The following VWA8 variants were observed in gnomAD, a reference collection of about 807,000 sequenced individuals.
The protein encoded by VWA8 is von Willebrand factor A domain containing 8, also known as von Willebrand factor A domain-containing protein 8.
VWA8 carries 221 observed loss-of-function variants against 241.5 expected under a neutral mutation model. The observed-to-expected ratio is 0.91, with a 90% CI of 0.82 to 1.02. VWA8 has a LOEUF of 1.02. Among genes scored for constraint, VWA8 ranks in the 50% least tolerant of loss-of-function variants. The pLI, the probability that VWA8 is intolerant of heterozygous loss-of-function variation, is 0.00. For synonymous variants in VWA8, 852 were observed against 827.1 expected, an observed-to-expected ratio of 1.03 and a Z score of -0.52; for missense variants, 2,322 against 2,328.7, an observed-to-expected ratio of 1.00 and a Z score of 0.06.
intron 17 of VWA8, among the ~76,000 whole-genome samples, chr13:41,800,158 C>T (rs1869883549): frequency 6.6e-6 from 1 of 152,174 alleles, no homozygotes; most frequent in African/African-American, 2.4e-5. Flanking sequence ...ATGGATAAAA[C>T]ACACTTTATC....
intron 37 of VWA8, among the ~76,000 whole-genome samples, chr13:41,646,350 AATG>A (rs1211971308): frequency 6.6e-6 from 1 of 152,202 alleles, no homozygotes; most frequent in Non-Finnish European, 1.5e-5. Flanking sequence ...TTCAGTGAGT[AATG>A]ATGATGAGTG....
intron 39 of VWA8, 31 bp from the exon 40 acceptor site, chr13:41,605,307 G>T: frequency 6.2e-7 from 1 of 1,603,764 alleles, no homozygotes. Context: ...AAAGTTAACA[G>T]CTTAAATCAC....
intron 33 of VWA8, among the ~76,000 whole-genome samples, chr13:41,689,884 G>GA (rs1444063156): frequency 6.6e-6 from 1 of 151,854 alleles, no homozygotes; most frequent in African/African-American, 2.4e-5. Context: ...ATAGTCTGCA[G>GA]AAAAAAGATG....
chr13:41,795,878 C>T (rs141153964), intron 17 of VWA8, among the ~76,000 whole-genome samples: 2,143 of 152,098 alleles, frequency 0.014, 45 homozygotes, highest in African/African-American at 0.049. Context: ...TTGATCTGTG[C>T]AGCAAACCAC....
chr13:41,883,370 G>A lies in VWA8; in HGVS notation c.1080+17C>T. Reference sequence around the variant, plus strand: ...AAAATGGGAAAAGAAAGGAAAGAAAGGGAAGCAGACACTCACCTTTAAAAC... The same window carrying A: ...AAAATGGGAAAAGAAAGGAAAGAAAAGGAAGCAGACACTCACCTTTAAAAC... On this transcript the variant is annotated intron_variant, in intron 9 of 44. Transcript: ENST00000379310. 1 of 1,582,314 alleles carries A rather than the reference G, an allele frequency of 6.3e-7. No homozygotes were observed. Among genetic ancestry groups the A allele is most frequent in the Non-Finnish European group, 8.7e-7 (1 of 1,152,160 alleles).
chr13:41,718,799 AAGAT>A (rs1217739222), intron 26 of VWA8, among the ~76,000 whole-genome samples: 2 of 151,614 alleles, frequency 1.3e-5, no homozygotes, highest in African/African-American at 4.8e-5. Flanking sequence ...TTTCTACAGA[AAGAT>A]AGTGTCTCCT....
chr13:41,790,497 A>G (rs1429131149), intron 17 of VWA8, among the ~76,000 whole-genome samples: 1 of 152,042 alleles, frequency 6.6e-6, no homozygotes, highest in East Asian at 1.9e-4. Flanking sequence ...TAATTTCCTC[A>G]TTACTTCAAT....
chr13:41,703,139 T>C (rs1310279371), intron 27 of VWA8, among the ~76,000 whole-genome samples, 164 bp downstream of exon 27: 6 of 152,298 alleles, frequency 3.9e-5, no homozygotes. Flanking sequence ...TATTTAGCCT[T>C]TAGGAATTAT....
At chr13:41,834,342 A>G (rs571304824) in intron 12 of VWA8, among the ~76,000 whole-genome samples, 9 of 152,348 alleles carry the variant, frequency 5.9e-5, no homozygotes, top group African/African-American at 2.2e-4. Context: ...TGCGACTTAT[A>G]GCAAAGAAAA....
intron 2 of VWA8, among the ~76,000 whole-genome samples, chr13:41,920,711 C>T (rs1358724618): frequency 6.6e-6 from 1 of 152,134 alleles, no homozygotes; most frequent in Non-Finnish European, 1.5e-5. Context: ...AATTCCTCGA[C>T]ACATACACCC....
chr13:41,863,455 T>TCACACACA (rs150069827), intron 12 of VWA8, among the ~76,000 whole-genome samples: 4 of 87,154 alleles, frequency 4.6e-5, no homozygotes, highest in African/African-American at 1.7e-4. Flanking sequence ...ATATATATAT[T>TCACACACA]CACACACACA....
intron 9 of VWA8, among the ~76,000 whole-genome samples, chr13:41,872,617 A>C (rs1234257145): frequency 6.6e-6 from 1 of 152,194 alleles, no homozygotes; most frequent in East Asian, 1.9e-4. Flanking sequence ...AGACAGTTGT[A>C]GATATATGGC....
At chr13:41,714,129 T>C (rs929365607) in intron 26 of VWA8, among the ~76,000 whole-genome samples, 19 of 152,048 alleles carry the variant, frequency 1.2e-4, no homozygotes, top group African/African-American at 4.6e-4. Flanking sequence ...ATTTTAAAAA[T>C]AAATGGGATG....
At chr13:41,860,769 T>A (rs190549584) in intron 12 of VWA8, among the ~76,000 whole-genome samples, 49 of 152,260 alleles carry the variant, frequency 3.2e-4, no homozygotes, top group African/African-American at 1.2e-3. Context: ...ATCTGAATTA[T>A]TAGATATACA....
chr13:41,927,628 G>A (rs922762540), intron 2 of VWA8, among the ~76,000 whole-genome samples: 1 of 150,448 alleles, frequency 6.6e-6, no homozygotes, highest in African/African-American at 2.4e-5. Flanking sequence ...ACAATACAGA[G>A]AAAGAAATCA....
At chr13:41,583,966 T>TA (rs1176426301) in intron 42 of VWA8, among the ~76,000 whole-genome samples, 1 of 152,230 alleles carries the variant, frequency 6.6e-6, no homozygotes, top group Admixed American at 6.5e-5. Context: ...AGAATGTCCT[T>TA]ACTCTTAGGA....
intron 4 of VWA8, among the ~76,000 whole-genome samples, chr13:41,895,654 A>G (rs1875064976): frequency 1.3e-5 from 2 of 152,270 alleles, no homozygotes; most frequent in East Asian, 3.9e-4. Flanking sequence ...ATCTGAAAAG[A>G]GAGGTAGTTA....
intron 13 of VWA8, 41 bp from the exon 14 acceptor site, chr13:41,830,683 T>C (rs1470084570): frequency 6.4e-7 from 1 of 1,556,902 alleles, no homozygotes; most frequent in Non-Finnish European, 8.8e-7. Context: ...AATTAATGTG[T>C]TTTGAACACT....
chr13:41,822,610 T>G (rs1222049981), intron 14 of VWA8, among the ~76,000 whole-genome samples: 2 of 152,138 alleles, frequency 1.3e-5, no homozygotes, highest in Admixed American at 6.6e-5. Context: ...AGGTAAGTAA[T>G]AAGAACTGAA....
Sources: gnomAD v4.1 joint callset for allele counts (sites outside exome capture counted in the v4.1 genomes callset) on GRCh38, gnomAD v4.1.1 for gene constraint, MANE v1.5 for transcripts, NCBI Gene and HGNC (gene_info 2026-07-23, HGNC 2026-07-21) for gene names.